Variants in EFL1 observed in about 807,000 individuals in gnomAD.
EFL1 encodes the protein elongation factor-like GTPase 1.
A neutral mutation model predicts 126.7 loss-of-function variants in EFL1; 76 were observed. The ratio of observed to expected loss-of-function variants is 0.60; its 90% CI spans 0.50 to 0.73. The LOEUF (loss-of-function observed/expected upper bound fraction) is 0.73. Ranked by LOEUF, EFL1 falls within the 30% of genes least tolerant of loss-of-function variation. The pLI, the probability that EFL1 is intolerant of heterozygous loss-of-function variation, is 0.00. For synonymous variants in EFL1, 410 were observed against 448.4 expected, an observed-to-expected ratio of 0.91 and a Z score of 1.08; for missense variants, 1,128 against 1,343.2, an observed-to-expected ratio of 0.84 and a Z score of 2.50.
chr15:82,150,381 T>A (rs1221587529), intron 18 of EFL1, among the ~76,000 whole-genome samples: 1 of 152,188 alleles, frequency 6.6e-6, no homozygotes, highest in Non-Finnish European at 1.5e-5. Flanking sequence ...TTTGGCCGAT[T>A]CTCTCATCCA....
chr15:82,261,630 CAT>C, intron 2 of EFL1, 56 bp downstream of exon 2: 1 of 1,494,228 alleles, frequency 6.7e-7, no homozygotes, highest in South Asian at 1.2e-5. Flanking sequence ...TCCACTGAGA[CAT>C]ACAGAGACAC....
chr15:82,187,602 T>C (rs1219740795), intron 15 of EFL1, among the ~76,000 whole-genome samples: 4 of 152,192 alleles, frequency 2.6e-5, no homozygotes, highest in Non-Finnish European at 5.9e-5. Flanking sequence ...TATCTACCTA[T>C]TAAACGAAGC....
At chr15:82,250,055 G>A (rs1003933044) in intron 4 of EFL1, among the ~76,000 whole-genome samples, 1 of 151,822 alleles carries the variant, frequency 6.6e-6, no homozygotes, top group Non-Finnish European at 1.5e-5. Context: ...GGAAGGCATG[G>A]TATAAATAAA....
At chr15:82,193,397 A>G (rs144738355) in intron 15 of EFL1, among the ~76,000 whole-genome samples, 338 of 152,314 alleles carry the variant, frequency 2.2e-3, no homozygotes, top group African/African-American at 7.7e-3. Context: ...TTCCTTATCT[A>G]TAACCAATTA....
At chr15:82,240,700 G>T in intron 5 of EFL1, 145 bp from the exon 6 acceptor site, 1 of 902,448 alleles carries the variant, frequency 1.1e-6, no homozygotes, top group Non-Finnish European at 1.7e-6. Flanking sequence ...ATACAGCGGA[G>T]TAGCAAAGAA....
intron 15 of EFL1, among the ~76,000 whole-genome samples, chr15:82,195,123 A>C (rs2074395904): frequency 6.6e-6 from 1 of 152,212 alleles, no homozygotes; most frequent in Non-Finnish European, 1.5e-5. Flanking sequence ...CATAGGTTTA[A>C]TGAACTTGGT....
At chr15:82,224,878 C>T (rs2074745522) in intron 12 of EFL1, among the ~76,000 whole-genome samples, 1 of 152,210 alleles carries the variant, frequency 6.6e-6, no homozygotes, top group Non-Finnish European at 1.5e-5. Flanking sequence ...ACTTGCCTGA[C>T]ATGTTTAATA....
chr15:82,195,508 T>C (rs2074399707), intron 15 of EFL1, among the ~76,000 whole-genome samples: 1 of 152,202 alleles, frequency 6.6e-6, no homozygotes, highest in African/African-American at 2.4e-5. Flanking sequence ...TCAACGAAGA[T>C]GTACACAAGC....
At chr15:82,168,505 A>G (rs2074101274) in intron 15 of EFL1, among the ~76,000 whole-genome samples, 1 of 152,156 alleles carries the variant, frequency 6.6e-6, no homozygotes. Flanking sequence ...TGAGCTAATA[A>G]CAGTTTTCTG....
chr15:82,132,683 G>C (rs1221578839), intron 19 of EFL1, among the ~76,000 whole-genome samples: 1 of 58,942 alleles, frequency 1.7e-5, no homozygotes, highest in Non-Finnish European at 3.3e-5. Context: ...CCAGGAATTG[G>C]GGGGGGGGGG....
intron 17 of EFL1, among the ~76,000 whole-genome samples, chr15:82,153,714 C>T (rs976913761): frequency 8.5e-5 from 13 of 152,280 alleles, no homozygotes; most frequent in African/African-American, 3.1e-4. Flanking sequence ...TTTACTACAA[C>T]ACTACGAAGT....
Position 82,259,115 on chromosome 15 carries a change from T to C in EFL1, c.132A>G (p.Gly44=), listed in dbSNP as rs776162960. Residue 44 remains glycine (G), a synonymous_variant, in exon 3 of 20, where the codon GGA becomes GGG. Coordinates refer to ENST00000268206, the MANE Select transcript of EFL1 (RefSeq NM_024580.6). ...TGCCTGCTAGGCGGCTGGAGATGAT[T>C]CCATTGCTAGATATAAGACAGTCAG... ...TLADCLISSN[G]IISSRLAGKL... 9 of 1,613,930 alleles carry C rather than the reference T, an allele frequency of 5.6e-6. No homozygotes were observed. The highest frequency in any genetic ancestry group is 8.5e-7 in the Non-Finnish European group (1 of 1,179,988).
chr15:82,209,607 A>G (rs1454843011), intron 15 of EFL1, among the ~76,000 whole-genome samples: 1 of 152,208 alleles, frequency 6.6e-6, no homozygotes, highest in African/African-American at 2.4e-5. Flanking sequence ...CCTGCAGCAA[A>G]TATTTATTTT....
At chr15:82,224,473 G>A (rs773280394) in intron 12 of EFL1, among the ~76,000 whole-genome samples, 14 of 152,190 alleles carry the variant, frequency 9.2e-5, no homozygotes, top group Non-Finnish European at 1.6e-4. Flanking sequence ...GCTCAAGACA[G>A]TGAGGATCAT....
chr15:82,258,483 C>A (rs535962835), intron 3 of EFL1, among the ~76,000 whole-genome samples: 2 of 152,180 alleles, frequency 1.3e-5, no homozygotes, highest in African/African-American at 4.8e-5. Context: ...CCCAACAGGG[C>A]GAGGTTGCAG....
At chr15:82,244,843 C>T (rs1370074445) in intron 4 of EFL1, among the ~76,000 whole-genome samples, 2 of 152,068 alleles carry the variant, frequency 1.3e-5, no homozygotes, top group African/African-American at 4.8e-5. Flanking sequence ...ACTTCCAAAA[C>T]ACTGGAAATG....
At chr15:82,211,495 C>A (rs2074584986) in intron 15 of EFL1, among the ~76,000 whole-genome samples, 1 of 149,788 alleles carries the variant, frequency 6.7e-6, no homozygotes, top group African/African-American at 2.5e-5. Flanking sequence ...CAATGTACTC[C>A]AGCCAGGGTG....
At chr15:82,224,141 A>G (rs574109144) in intron 12 of EFL1, among the ~76,000 whole-genome samples, 1 of 152,360 alleles carries the variant, frequency 6.6e-6, no homozygotes, top group East Asian at 1.9e-4. Context: ...GTTTGGGGTC[A>G]GGTCATGGTG....
At chr15:82,148,933 G>A (rs1045333338) in intron 18 of EFL1, among the ~76,000 whole-genome samples, 62 of 151,350 alleles carry the variant, frequency 4.1e-4, no homozygotes, top group Non-Finnish European at 2.9e-5. Context: ...AATCTTGGGA[G>A]ACAACATGGA....
Sources: allele counts gnomAD v4.1 joint callset (sites outside exome capture counted in the v4.1 genomes callset), GRCh38; gene constraint gnomAD v4.1.1; transcripts MANE v1.5; gene names NCBI Gene and HGNC (gene_info 2026-07-23, HGNC 2026-07-21).